PON2: variants seen among roughly 807,000 people sequenced by gnomAD.
The protein encoded by PON2 is serum paraoxonase/arylesterase 2.
Under a neutral mutation model 36.6 loss-of-function variants are expected in PON2, and 27 were observed. That is an observed-to-expected ratio of 0.74 (90% CI 0.54 to 1.02). PON2 has a LOEUF of 1.02. Among genes scored for constraint, PON2 ranks in the 50% least tolerant of loss-of-function variants. PON2 has a pLI of 0.00. For synonymous variants in PON2, 149 were observed against 156.3 expected, an observed-to-expected ratio of 0.95 and a Z score of 0.35; for missense variants, 363 against 421.1, an observed-to-expected ratio of 0.86 and a Z score of 1.21.
At position 95,407,953 on chromosome 7, in the gene PON2, GAGGA is replaced by G. The variant is rs532631354; in HGVS notation, c.696-889_696-886del. On this transcript the variant is annotated intron_variant, in intron 6 of 8. Transcript: ENST00000222572. Reference sequence around the variant, plus strand: ...AAGAGCAGAATCACAGGAGCAAGAAGAGGAAGGAATGTTTAAAACAATGAGTTCT... The same window carrying G: ...AAGAGCAGAATCACAGGAGCAAGAAGAGGAATGTTTAAAACAATGAGTTCT... Among the ~76,000 whole-genome samples the G allele has an allele frequency of 4.6e-5, 7 of 152,270 alleles. No homozygotes were observed. In the East Asian group the frequency reaches 1.4e-3, roughly 29 times the overall value.
chr7:95,411,189 T>C (rs1461624542), intron 5 of PON2, among the ~76,000 whole-genome samples: 3 of 152,134 alleles, frequency 2.0e-5, no homozygotes, highest in African/African-American at 4.8e-5. Context: ...ATTACTAGCA[T>C]GCAACCATCA....
Position 95,416,237 on chromosome 7 carries a change from C to G in PON2, c.201+5G>C. On this transcript the variant is annotated splice_donor_5th_base_variant and intron_variant, in intron 3 of 8. Transcript: ENST00000222572. ...CTGAATTTGGGGAAGGAAGAAGACA[C>G]TCACCACACTAAAAAAAGCCAGACC... The G allele has an allele frequency of 1.1e-5, 17 of 1,611,572 alleles. No homozygotes were observed. The highest frequency in any genetic ancestry group is 1.4e-5 in the Non-Finnish European group (17 of 1,177,742).
chr7:95,412,344 T>C lies in PON2; in HGVS notation c.335A>G (p.Asn112Ser), dbSNP rs776436592. ...TATGAAAGTGCTGATGCCATGTGGA[T>C]TGAATGAGGCCAAATCAAACCCACG... ...ISRGFDLASF[N>S]PHGISTFIDN... Residue 112 changes from asparagine (N) to serine (S), a missense_variant, in exon 4 of 9, where the codon AAT (asparagine) becomes AGT (serine). Asn to Ser is a conservative substitution (Grantham distance 46). Transcript: ENST00000222572. 4 of 1,614,060 alleles carry C rather than the reference T, an allele frequency of 2.5e-6. No individual in the cohort carries two copies. The South Asian group carries it at 4.4e-5, about 18-fold the overall frequency.
intron 7 of PON2, 80 bp from the exon 8 acceptor site, chr7:95,406,327 A>G: frequency 6.9e-7 from 1 of 1,459,736 alleles, no homozygotes. Flanking sequence ...TCCTGCCTCT[A>G]TGCATGTGAG....
chr7:95,433,492 TC>T (rs1789489465), intron 1 of PON2, among the ~76,000 whole-genome samples: 1 of 151,966 alleles, frequency 6.6e-6, no homozygotes, highest in Non-Finnish European at 1.5e-5. Context: ...TCTCCTCCAA[TC>T]CCCCCTTCCA....
At chr7:95,405,956 C>T (rs1246088049) in intron 8 of PON2, among the ~76,000 whole-genome samples, 163 bp downstream of exon 8, 1 of 152,156 alleles carries the variant, frequency 6.6e-6, no homozygotes, top group Non-Finnish European at 1.5e-5. Flanking sequence ...AACAATGTAA[C>T]ATTCTGCCAA....
intron 6 of PON2, among the ~76,000 whole-genome samples, chr7:95,408,068 C>T (rs1809752431): frequency 6.6e-6 from 1 of 152,144 alleles, no homozygotes; most frequent in African/African-American, 2.4e-5. Flanking sequence ...TTTACCCTGC[C>T]TTGATTTGAT....
chr7:95,410,672 A>G (rs1160702643), intron 5 of PON2, among the ~76,000 whole-genome samples: 3 of 152,272 alleles, frequency 2.0e-5, no homozygotes, highest in South Asian at 4.1e-4. Context: ...CCATAGTACA[A>G]TGCTTCAGGT....
intron 2 of PON2, 85 bp from the exon 3 acceptor site, chr7:95,416,382 T>C: frequency 1.4e-6 from 2 of 1,402,626 alleles, no homozygotes; most frequent in Non-Finnish European, 2.0e-6. Context: ...GTTTACTTTA[T>C]CAGAGTGACT....
At position 95,405,489 on chromosome 7, in the gene PON2, C is replaced by G; in HGVS notation, c.907-1G>C. Reference sequence around the variant, plus strand: ...ATAGAATGTTCTGGATGCGGAGAACCTATTCAGGGGATACAAAGTATGAAT... The same window carrying G: ...ATAGAATGTTCTGGATGCGGAGAACGTATTCAGGGGATACAAAGTATGAAT... On this transcript the variant is annotated splice_acceptor_variant, in intron 8 of 8. Transcript: ENST00000222572. LOFTEE classifies it high-confidence loss of function. The G allele has an allele frequency of 6.2e-7, 1 of 1,611,592 alleles. No individual in the cohort carries two copies. Among genetic ancestry groups the G allele is most frequent in the Non-Finnish European group, 8.5e-7 (1 of 1,177,862 alleles).
chr7:95,405,781 A>C (rs934854364), intron 8 of PON2, among the ~76,000 whole-genome samples: 7 of 152,198 alleles, frequency 4.6e-5, no homozygotes, highest in African/African-American at 1.7e-4. Flanking sequence ...ACACTACTTC[A>C]ACATGAACAA....
intron 2 of PON2, among the ~76,000 whole-genome samples, chr7:95,422,690 T>C (rs887713552): frequency 2.0e-5 from 3 of 152,204 alleles, no homozygotes; most frequent in African/African-American, 7.2e-5. Context: ...GAAGAGAACA[T>C]TTCCATGTAA....
At chr7:95,405,987 C>A in intron 8 of PON2, 132 bp downstream of exon 8, 2 of 1,088,546 alleles carry the variant, frequency 1.8e-6, no homozygotes, top group Non-Finnish European at 1.3e-6. Context: ...AACGCAATTA[C>A]AAAACCACGA....
chr7:95,424,776 A>C (rs1339174827), intron 1 of PON2, among the ~76,000 whole-genome samples, 191 bp from the exon 2 acceptor site: 1 of 152,110 alleles, frequency 6.6e-6, no homozygotes, highest in African/African-American at 2.4e-5. Context: ...TTAAAACAAA[A>C]ATGCCTATTG....
At position 95,409,936 on chromosome 7, in the gene PON2, A is replaced by G; in HGVS notation, c.660T>C (p.Asp220=). 6.2e-7 allele frequency: 1 copy of G among 1,613,816 alleles called. No individual in the cohort carries two copies. The highest frequency in any genetic ancestry group is 1.7e-5 in the Admixed American group (1 of 60,020). Residue 220 remains aspartate, a synonymous_variant, in exon 6 of 9, where the codon GAT becomes GAC. Coordinates refer to ENST00000222572, the MANE Select transcript of PON2 (RefSeq NM_000305.3). ...GTGAAATATTGATCCCATTTGCTGA[A>G]TCAAATCCTTCTGCTACCACTTTAA... ...NEVKVVAEGF[D]SANGINISPD...
At chr7:95,408,688 G>C (rs1809774223) in intron 6 of PON2, among the ~76,000 whole-genome samples, 1 of 152,156 alleles carries the variant, frequency 6.6e-6, no homozygotes, top group Non-Finnish European at 1.5e-5. Context: ...TTGTCAAGGA[G>C]TGCCAAATTT....
At chr7:95,406,588 T>C (rs1024946197) in intron 7 of PON2, among the ~76,000 whole-genome samples, 1 of 152,226 alleles carries the variant, frequency 6.6e-6, no homozygotes, top group African/African-American at 2.4e-5. Context: ...ATATGTGTTG[T>C]TGAGTAGGAA....
chr7:95,430,370 G>A (rs1789410504), intron 1 of PON2, among the ~76,000 whole-genome samples: 1 of 150,988 alleles, frequency 6.6e-6, no homozygotes, highest in African/African-American at 2.4e-5. Flanking sequence ...GGAGTGCAAT[G>A]GCTCACTGCA....
At chr7:95,432,064 AAGTCACTGCCCATTAAAGTGCATCAC>A (rs1789455827) in intron 1 of PON2, among the ~76,000 whole-genome samples, 1 of 152,216 alleles carries the variant, frequency 6.6e-6, no homozygotes, top group Non-Finnish European at 1.5e-5. Flanking sequence ...CCATTTTATA[AAGTCACTGCCCATTAAAGTGCATCAC>A]AGTCACGTAA....
Sources: allele counts gnomAD v4.1 joint callset (sites outside exome capture counted in the v4.1 genomes callset), GRCh38; gene constraint gnomAD v4.1.1; transcripts MANE v1.5; gene names NCBI Gene and HGNC (gene_info 2026-07-23, HGNC 2026-07-21).